KCNH1: variants seen among roughly 807,000 people sequenced by gnomAD.
The protein encoded by KCNH1 is potassium voltage-gated channel subfamily H member 1.
Under a neutral mutation model 69.2 loss-of-function variants are expected in KCNH1, and 27 were observed. The ratio of observed to expected loss-of-function variants is 0.39; its 90% CI spans 0.29 to 0.54. KCNH1 has a LOEUF of 0.54. KCNH1 is among the 20% of genes least tolerant of loss of function. KCNH1 has a pLI of 0.68. For synonymous variants in KCNH1, 456 were observed against 487.7 expected (o/e 0.93, Z 0.86); for missense variants, 798 against 1,261.6 (o/e 0.63, Z 5.57).
Position 211,064,259 on chromosome 1 carries a change from T to C in KCNH1, c.558+18521A>G, listed in dbSNP as rs568452651. 3.3e-5 allele frequency among the ~76,000 whole-genome samples: 5 copies of C among 152,130 alleles called. No homozygotes were observed. In the South Asian group the frequency reaches 1.0e-3, roughly 32 times the overall value. The stretch of plus-strand genomic sequence containing the variant: ...TATACCTATTATATTGATGAGTGGG[T>C]TAAAAAAATCAAGTGAATTGGCCGG... On this transcript the variant is annotated intron_variant, in intron 5 of 10. Transcript: ENST00000271751.
At chr1:210,754,495 G>A (rs1311791861) in intron 10 of KCNH1, among the ~76,000 whole-genome samples, 3 of 152,074 alleles carry the variant, frequency 2.0e-5, no homozygotes, top group Non-Finnish European at 1.5e-5. Flanking sequence ...TGTTGGAGGT[G>A]GGGGCCGATA....
At chr1:210,798,009 G>A (rs1305766711) in intron 8 of KCNH1, among the ~76,000 whole-genome samples, 1 of 149,798 alleles carries the variant, frequency 6.7e-6, no homozygotes, top group Admixed American at 6.6e-5. Flanking sequence ...CTGTAGATCA[G>A]TGGTCAGAGA....
intron 6 of KCNH1, among the ~76,000 whole-genome samples, chr1:210,971,217 T>G (rs889596231): frequency 1.3e-5 from 2 of 152,044 alleles, no homozygotes; most frequent in African/African-American, 4.8e-5. Context: ...TCCCCCAAAG[T>G]GCTGAGATTA....
intron 7 of KCNH1, among the ~76,000 whole-genome samples, chr1:210,809,566 C>T (rs1325364745): frequency 2.0e-5 from 3 of 152,092 alleles, no homozygotes; most frequent in Non-Finnish European, 4.4e-5. Flanking sequence ...CCCCATGGGA[C>T]CCATGTTCAA....
intron 7 of KCNH1, among the ~76,000 whole-genome samples, chr1:210,899,486 A>AAG (rs1686947442): frequency 8.8e-6 from 1 of 113,914 alleles, no homozygotes; most frequent in Non-Finnish European, 1.7e-5. Flanking sequence ...TATCTCACTT[A>AAG]TGAGATATAT....
At chr1:211,060,951 T>C (rs1243382846) in intron 5 of KCNH1, among the ~76,000 whole-genome samples, 3 of 152,102 alleles carry the variant, frequency 2.0e-5, no homozygotes, top group Non-Finnish European at 4.4e-5. Context: ...ACTTCCAAAC[T>C]CATTCTACAA....
intron 6 of KCNH1, among the ~76,000 whole-genome samples, chr1:210,948,308 T>C (rs963702374): frequency 1.1e-4 from 17 of 151,984 alleles, no homozygotes; most frequent in African/African-American, 3.9e-4. Flanking sequence ...TATAGAAGAA[T>C]GTTTGACAAA....
chr1:210,745,857 G>A lies in KCNH1; in HGVS notation c.2112+29491C>T, dbSNP rs535174953. Among the ~76,000 whole-genome samples, 7 of 152,272 alleles carry A rather than the reference G, an allele frequency of 4.6e-5. No individual in the cohort carries two copies. In the East Asian group the frequency reaches 1.4e-3, roughly 29 times the overall value. ...TGTATAGCCAAGCAGCCCTCTTCTG[G>A]GAGAAGGACCCAGGCCTGTGGTGGG... On this transcript the variant is annotated intron_variant, in intron 10 of 10. Coordinates refer to ENST00000271751, the MANE Select transcript of KCNH1 (RefSeq NM_172362.3).
intron 10 of KCNH1, among the ~76,000 whole-genome samples, chr1:210,704,076 G>T (rs1681845314): frequency 6.6e-6 from 1 of 152,166 alleles, no homozygotes; most frequent in Admixed American, 6.5e-5. Flanking sequence ...AAGGAGAGGT[G>T]CCCTGGGCCA....
chr1:211,116,611 G>A (rs527910150), intron 1 of KCNH1, among the ~76,000 whole-genome samples: 5 of 152,182 alleles, frequency 3.3e-5, no homozygotes, highest in African/African-American at 7.2e-5. Flanking sequence ...ATAATCAGAC[G>A]GACCAAACTG....
Position 210,977,047 on chromosome 1 carries a change from G to A in KCNH1, c.1032+41736C>T, listed in dbSNP as rs375894702. ...CACTATTCACAATAGCAAAGACTTG[G>A]AACCAACCCAAATGTCCAAAAATGA... On this transcript the variant is annotated intron_variant, in intron 6 of 10. Coordinates refer to ENST00000271751, the MANE Select transcript of KCNH1 (RefSeq NM_172362.3). Among the ~76,000 whole-genome samples, 124 of 152,252 alleles carry A rather than the reference G, an allele frequency of 8.1e-4. 1 individual carries two copies. The highest frequency in any genetic ancestry group is 2.8e-3 in the African/African-American group (118 of 41,550).
At chr1:211,102,274 G>C (rs140855540) in intron 3 of KCNH1, among the ~76,000 whole-genome samples, 85 of 152,282 alleles carry the variant, frequency 5.6e-4, no homozygotes, top group African/African-American at 1.9e-3. Context: ...TATTCCATTA[G>C]TTTATGACAC....
intron 10 of KCNH1, among the ~76,000 whole-genome samples, chr1:210,688,798 G>A (rs938399656): frequency 6.6e-6 from 1 of 152,178 alleles, no homozygotes; most frequent in Non-Finnish European, 1.5e-5. Flanking sequence ...CAGATCCTTA[G>A]TCAGGGACCA....
chr1:211,111,467 G>A (rs1312293210), intron 1 of KCNH1, among the ~76,000 whole-genome samples: 6 of 149,272 alleles, frequency 4.0e-5, no homozygotes, highest in Admixed American at 1.3e-4. Flanking sequence ...CCCTCTGCCC[G>A]GCCGCCCATC....
chr1:210,833,733 T>C (rs373711586), intron 7 of KCNH1, among the ~76,000 whole-genome samples: 3,530 of 152,050 alleles, frequency 0.023, 90 homozygotes, highest in African/African-American at 0.064. Flanking sequence ...AAACTACCAT[T>C]AGAGTGAACA....
At chr1:210,807,021 A>AT (rs398103652) in intron 7 of KCNH1, among the ~76,000 whole-genome samples, 1 of 147,620 alleles carries the variant, frequency 6.8e-6, no homozygotes. Context: ...AAAAAAAAAA[A>AT]TTCACAAGAA....
intron 10 of KCNH1, among the ~76,000 whole-genome samples, chr1:210,708,548 T>C (rs1370047400): frequency 6.6e-6 from 1 of 152,166 alleles, no homozygotes; most frequent in Admixed American, 6.5e-5. Flanking sequence ...CTATATAAAC[T>C]TGCTGATCAC....
Position 210,951,710 on chromosome 1 carries a change from G to A in KCNH1, c.1033-31641C>T, listed in dbSNP as rs895898496. Among the ~76,000 whole-genome samples the A allele has an allele frequency of 3.3e-5, 5 of 152,010 alleles. No individual in the cohort carries two copies. In the East Asian group the frequency reaches 7.7e-4, roughly 23 times the overall value. On this transcript the variant is annotated intron_variant, in intron 6 of 10. Coordinates refer to ENST00000271751, the MANE Select transcript of KCNH1 (RefSeq NM_172362.3). Reference sequence around the variant, plus strand: ...TATTAAAATATCAAACCCTTATTACGATTATTATTTATTATATATAAAAAG... The same window carrying A: ...TATTAAAATATCAAACCCTTATTACAATTATTATTTATTATATATAAAAAG...
intron 6 of KCNH1, among the ~76,000 whole-genome samples, chr1:210,956,833 A>C (rs1462123465): frequency 6.6e-6 from 1 of 151,836 alleles, no homozygotes; most frequent in Non-Finnish European, 1.5e-5. Context: ...CCAGCTGTCT[A>C]TCAATTTTGT....
Sources: gnomAD v4.1 joint callset for allele counts (sites outside exome capture counted in the v4.1 genomes callset) on GRCh38, gnomAD v4.1.1 for gene constraint, MANE v1.5 for transcripts, NCBI Gene and HGNC (gene_info 2026-07-23, HGNC 2026-07-21) for gene names.